The following PRKG1 variants were observed in gnomAD, a reference collection of about 807,000 sequenced individuals.
PRKG1 encodes the protein protein kinase cGMP-dependent 1.
A neutral mutation model predicts 88.1 loss-of-function variants in PRKG1; 35 were observed. The observed-to-expected ratio is 0.40, with a 90% confidence interval of 0.30 to 0.53. PRKG1 has a LOEUF of 0.53. PRKG1 is among the 20% of genes least tolerant of loss of function. The pLI is 0.59. For synonymous variants in PRKG1, 303 were observed against 292.5 expected (o/e 1.04, Z -0.37); for missense variants, 540 against 839.8 (o/e 0.64, Z 4.41).
chr10:51,174,330 A>C (rs1193445867), intron 2 of PRKG1, among the ~76,000 whole-genome samples: 1 of 151,894 alleles, frequency 6.6e-6, no homozygotes, highest in Non-Finnish European at 1.5e-5. Flanking sequence ...AAATATTTAG[A>C]ATTCATTTGT....
At chr10:51,049,998 T>G (rs956455809) in intron 1 of PRKG1, among the ~76,000 whole-genome samples, 1 of 152,112 alleles carries the variant, frequency 6.6e-6, no homozygotes, top group Non-Finnish European at 1.5e-5. Flanking sequence ...GTTTCCTTGC[T>G]TGTCATTAAA....
intron 8 of PRKG1, among the ~76,000 whole-genome samples, chr10:52,153,321 AT>A (rs1488374203): frequency 6.6e-6 from 1 of 152,242 alleles, no homozygotes; most frequent in East Asian, 1.9e-4. Context: ...ATAATGCCAG[AT>A]AAAAGGAAAA....
At chr10:51,786,281 G>T (rs1838726050) in intron 3 of PRKG1, among the ~76,000 whole-genome samples, 1 of 152,122 alleles carries the variant, frequency 6.6e-6, no homozygotes, top group Non-Finnish European at 1.5e-5. Flanking sequence ...GCTGAGTGGT[G>T]AGACGCCTTG....
chr10:52,161,836 C>G (rs1564496009), intron 8 of PRKG1, 53 bp from the exon 9 acceptor site: 2 of 1,477,502 alleles, frequency 1.4e-6, no homozygotes, highest in African/African-American at 2.8e-5. Flanking sequence ...GACTAGGTTG[C>G]CATTGCTACT....
At chr10:51,202,483 G>T (rs762747599) in intron 2 of PRKG1, among the ~76,000 whole-genome samples, 3 of 152,126 alleles carry the variant, frequency 2.0e-5, no homozygotes, top group Non-Finnish European at 2.9e-5. Context: ...TAAATCTCCT[G>T]CAAGAATTCC....
intron 5 of PRKG1, among the ~76,000 whole-genome samples, chr10:51,932,873 T>TATC (rs1319932420): frequency 6.6e-6 from 1 of 152,150 alleles, no homozygotes; most frequent in East Asian, 1.9e-4. Context: ...AAGCGGGGGT[T>TATC]ATCTCAGAGT....
chr10:51,065,271 A>G (rs1235513622), intron 1 of PRKG1, among the ~76,000 whole-genome samples: 1 of 152,138 alleles, frequency 6.6e-6, no homozygotes, highest in African/African-American at 2.4e-5. Flanking sequence ...CCAGTGTTAC[A>G]TAAAAGAGCA....
intron 7 of PRKG1, among the ~76,000 whole-genome samples, chr10:52,088,530 GACT>G (rs1846973057): frequency 6.6e-6 from 1 of 152,080 alleles, no homozygotes; most frequent in Admixed American, 6.6e-5. Flanking sequence ...AACTAGCAGG[GACT>G]TTTTGCCTTC....
chr10:52,102,033 G>A (rs1847305101), intron 7 of PRKG1, among the ~76,000 whole-genome samples: 1 of 152,088 alleles, frequency 6.6e-6, no homozygotes, highest in South Asian at 2.1e-4. Flanking sequence ...GAAGGGAAAA[G>A]ATAAACATCA....
At chr10:52,172,853 C>T (rs143954810) in intron 9 of PRKG1, among the ~76,000 whole-genome samples, 28 of 152,232 alleles carry the variant, frequency 1.8e-4, no homozygotes, top group Non-Finnish European at 7.4e-5. Context: ...GTTTGGAGAG[C>T]GAGCCTTAGT....
At chr10:51,711,303 A>C (rs1038630423) in intron 3 of PRKG1, among the ~76,000 whole-genome samples, 1 of 151,228 alleles carries the variant, frequency 6.6e-6, no homozygotes, top group Admixed American at 6.6e-5. Context: ...GACAGGGTTC[A>C]TCGTGTTAGC....
At chr10:51,834,698 G>GAA (rs1564667143) in intron 4 of PRKG1, among the ~76,000 whole-genome samples, 88 of 139,926 alleles carry the variant, frequency 6.3e-4, no homozygotes, top group African/African-American at 2.3e-3. Context: ...GAAAGAAAGA[G>GAA]AGAGAGAGAA....
intron 3 of PRKG1, among the ~76,000 whole-genome samples, chr10:51,772,148 T>C (rs1353606998): frequency 6.6e-6 from 1 of 152,070 alleles, no homozygotes; most frequent in Non-Finnish European, 1.5e-5. Context: ...AATGAGAAAA[T>C]GAACACTCTT....
At chr10:51,737,986 G>A (rs1837334269) in intron 3 of PRKG1, among the ~76,000 whole-genome samples, 2 of 151,668 alleles carry the variant, frequency 1.3e-5, no homozygotes, top group Admixed American at 1.3e-4. Context: ...TGCCATGTTG[G>A]CCAGGCTGGT....
intron 2 of PRKG1, among the ~76,000 whole-genome samples, chr10:51,421,312 T>C (rs6480248): frequency 0.049 from 7,465 of 152,154 alleles, 612 homozygotes; most frequent in African/African-American, 0.17. Flanking sequence ...TTTAATACTA[T>C]GAGGCACATG....
intron 7 of PRKG1, among the ~76,000 whole-genome samples, chr10:52,119,822 A>G (rs1446483319): frequency 1.3e-5 from 2 of 152,178 alleles, no homozygotes; most frequent in Non-Finnish European, 2.9e-5. Flanking sequence ...TTGTGGCCCC[A>G]TATCTTTTGA....
chr10:51,739,157 G>A (rs1412580068), intron 3 of PRKG1, among the ~76,000 whole-genome samples: 4 of 152,072 alleles, frequency 2.6e-5, no homozygotes. Context: ...TTCTATTTTA[G>A]CCTCATCGTA....
At chr10:51,211,872 G>A (rs532197833) in intron 2 of PRKG1, among the ~76,000 whole-genome samples, 4 of 152,224 alleles carry the variant, frequency 2.6e-5, no homozygotes, top group South Asian at 2.1e-4. Context: ...AATCAATATC[G>A]TGAAAATGGC....
chr10:51,014,836 T>C (rs748794323), intron 1 of PRKG1, among the ~76,000 whole-genome samples: 7 of 152,212 alleles, frequency 4.6e-5, no homozygotes, highest in Non-Finnish European at 1.0e-4. Context: ...ACTTACTTGT[T>C]TGATTCTGCA....
Sources: gnomAD v4.1 joint callset for allele counts (sites outside exome capture counted in the v4.1 genomes callset) on GRCh38, gnomAD v4.1.1 for gene constraint, MANE v1.5 for transcripts, NCBI Gene and HGNC (gene_info 2026-07-23, HGNC 2026-07-21) for gene names.